The following LRP11 variants were observed in gnomAD, a reference collection of about 807,000 sequenced individuals.
LRP11 encodes the protein LDL receptor related protein 11.
In LRP11, 25 loss-of-function variants were observed where a neutral mutation model predicts 43.1. The observed-to-expected ratio is 0.58, with a 90% CI of 0.42 to 0.81. LRP11 has a LOEUF of 0.81. Ranked by LOEUF, LRP11 falls within the 30% of genes least tolerant of loss-of-function variation. The pLI is 0.00. For synonymous variants in LRP11, 316 were observed against 299.4 expected (o/e 1.06, Z -0.57); for missense variants, 623 against 665.1 (o/e 0.94, Z 0.70).
chr6:149,837,217 AAAGTTATAACT>A, intron 4 of LRP11, 110 bp downstream of exon 4: 2 of 1,088,584 alleles, frequency 1.8e-6, no homozygotes, highest in Non-Finnish European at 2.6e-6. Context: ...TTTTACATGT[AAAGTTATAACT>A]AAAATCAAGC....
At chr6:149,854,763 C>T (rs1583095517) in intron 1 of LRP11, among the ~76,000 whole-genome samples, 1 of 152,256 alleles carries the variant, frequency 6.6e-6, no homozygotes, top group East Asian at 1.9e-4. Context: ...TGCAAGGCAC[C>T]GCCTCTCCTC....
chr6:149,821,224 C>T (rs977840483), intron 6 of LRP11, among the ~76,000 whole-genome samples: 6 of 152,064 alleles, frequency 3.9e-5, no homozygotes, highest in East Asian at 1.9e-4. Context: ...CCACCGTGCC[C>T]GGCCAACACA....
rs1776443871 is a variant in LRP11 at position 149,834,246 on chromosome 6, G to T, written c.1252+1839C>A. On this transcript the variant is annotated intron_variant, in intron 5 of 6. Coordinates refer to ENST00000239367, the MANE Select transcript of LRP11 (RefSeq NM_032832.6). ...CCCATGGGACAGTGCTGGGACCAAT[G>T]AGTGACACCTAGCATGGGTAAGGGC... Among the ~76,000 whole-genome samples the T allele has an allele frequency of 2.6e-5, 4 of 152,206 alleles. No individual in the cohort carries two copies. The South Asian group carries it at 8.3e-4, about 31-fold the overall frequency.
chr6:149,836,203 C>G lies in LRP11; in HGVS notation c.1134G>C (p.Leu378Phe). 6.2e-7 allele frequency: 1 copy of G among 1,614,102 alleles called. No individual in the cohort carries two copies. The highest frequency in any genetic ancestry group is 8.5e-7 in the Non-Finnish European group (1 of 1,180,032). Residue 378 changes from leucine (L) to phenylalanine (F), a missense_variant, in exon 5 of 7, where the codon TTG (leucine) becomes TTC (phenylalanine). Coordinates refer to ENST00000239367, the MANE Select transcript of LRP11 (RefSeq NM_032832.6). The stretch of plus-strand genomic sequence containing the variant: ...CAGTGGCTTTCTGAGACTTTTCCAC[C>G]AAGGAGTCACCCCCTGCATCTTCAC... ...GPSEDAGGDSLVEKSQKATAP... is the reference protein window; with the variant it reads ...GPSEDAGGDSFVEKSQKATAP...
intron 2 of LRP11, among the ~76,000 whole-genome samples, chr6:149,846,613 G>A (rs1034802079): frequency 4.6e-5 from 7 of 152,118 alleles, no homozygotes; most frequent in African/African-American, 1.2e-4. Context: ...AGTGGCCATC[G>A]GAGTGGAGAC....
intron 5 of LRP11, among the ~76,000 whole-genome samples, chr6:149,835,002 T>C (rs1175758708): frequency 6.6e-6 from 1 of 152,254 alleles, no homozygotes; most frequent in African/African-American, 2.4e-5. Flanking sequence ...ACTAAAATCA[T>C]GTCAGGTTAT....
At chr6:149,825,745 T>A (rs1157593434) in intron 6 of LRP11, among the ~76,000 whole-genome samples, 1 of 150,966 alleles carries the variant, frequency 6.6e-6, no homozygotes, top group East Asian at 2.0e-4. Flanking sequence ...AGCCTCGACC[T>A]CCCAGGCTCA....
intron 1 of LRP11, among the ~76,000 whole-genome samples, chr6:149,857,576 C>T (rs922332115): frequency 6.6e-6 from 1 of 151,742 alleles, no homozygotes; most frequent in Non-Finnish European, 1.5e-5. Context: ...CCTTTCTTGC[C>T]TGAGGACTGG....
intron 2 of LRP11, among the ~76,000 whole-genome samples, chr6:149,844,541 A>C (rs1776602997): frequency 6.6e-6 from 1 of 152,250 alleles, no homozygotes; most frequent in South Asian, 2.1e-4. Flanking sequence ...ACTGCTGGAC[A>C]GTCAGCCTGA....
Position 149,818,846 on chromosome 6 carries a change from A to C in LRP11, c.*1703T>G, listed in dbSNP as rs577442644. On this transcript the variant is annotated 3_prime_UTR_variant, in exon 7 of 7. Coordinates refer to ENST00000239367, the MANE Select transcript of LRP11 (RefSeq NM_032832.6). Reference sequence around the variant, plus strand: ...AGGAATCATGTTTACATAGATACAGAACATCTTGGATATTTCAACACCATA... The same window carrying C: ...AGGAATCATGTTTACATAGATACAGCACATCTTGGATATTTCAACACCATA... The C allele has an allele frequency of 3.3e-5, 5 of 152,710 alleles. No homozygotes were observed. The highest frequency in any genetic ancestry group is 1.3e-4 in the Admixed American group (2 of 15,304). 9.5% of individuals were successfully genotyped at this position (152,710 alleles called of 1,614,324 possible).
Position 149,863,952 on chromosome 6 carries a change from G to A in LRP11, c.69C>T (p.Arg23=). ...GCCACAGGCAGAGCAGTAGCAGCCC[G>A]CGCAGCGCCCCGTGACGCGGCGGTA... is the stretch of plus-strand genomic sequence containing the variant. The part of the protein sequence containing the change: ...RRLPPRHGAL[R]GLLLLCLWLP... The change falls in exon 1 of 7, where the codon CGC becomes CGT. Residue 23 remains arginine, a synonymous_variant. Transcript: ENST00000239367. The A allele has an allele frequency of 1.4e-6, 2 of 1,440,402 alleles. No homozygotes were observed. The highest frequency in any genetic ancestry group is 1.8e-6 in the Non-Finnish European group (2 of 1,103,328). 89.2% of individuals were successfully genotyped at this position (1,440,402 alleles called of 1,614,324 possible). A position where few individuals can be genotyped will look rare whatever the true frequency, so the allele number is the denominator to read the frequency against.
Position 149,837,254 on chromosome 6 carries a change from T to G in LRP11, c.1039+84A>C. 3 of 1,448,072 alleles carry G rather than the reference T, an allele frequency of 2.1e-6. No homozygotes were observed. The African/African-American group carries it at 4.2e-5, about 20-fold the overall frequency. 89.7% of individuals were successfully genotyped at this position (1,448,072 alleles called of 1,614,324 possible). On this transcript the variant is annotated intron_variant, in intron 4 of 6. Coordinates refer to ENST00000239367, the MANE Select transcript of LRP11 (RefSeq NM_032832.6). ...AAAATCAAGCAGGGGAAGGACACTG[T>G]GTTTGCATTTCATTCTCAGAACACA...
intron 2 of LRP11, among the ~76,000 whole-genome samples, chr6:149,846,405 T>TAAGCTGCTCTTCAGTC (rs1776633296): frequency 6.6e-6 from 1 of 152,150 alleles, no homozygotes; most frequent in East Asian, 1.9e-4. Context: ...TTCAGTCAAG[T>TAAGCTGCTCTTCAGTC]AAGGTGACAC....
intron 2 of LRP11, 93 bp from the exon 3 acceptor site, chr6:149,843,217 GC>G: frequency 6.9e-7 from 1 of 1,450,990 alleles, no homozygotes; most frequent in Admixed American, 1.7e-5. Flanking sequence ...CCTCAGAGCA[GC>G]CCCAGGACCT....
chr6:149,852,803 A>G lies in LRP11; in HGVS notation c.771+200T>C, dbSNP rs576095828. 5.3e-5 allele frequency among the ~76,000 whole-genome samples: 8 copies of G among 149,726 alleles called. No homozygotes were observed. In the East Asian group the frequency reaches 1.7e-3, roughly 31 times the overall value. On this transcript the variant is annotated intron_variant, in intron 2 of 6. Coordinates refer to ENST00000239367, the MANE Select transcript of LRP11 (RefSeq NM_032832.6). ...TAGAAGGAGGGTAGGCTCCAAGACA[A>G]ATGATCGAGATTGCTGCTCACTCTC...
At chr6:149,829,141 C>G (rs1340636415) in intron 5 of LRP11, among the ~76,000 whole-genome samples, 1 of 152,198 alleles carries the variant, frequency 6.6e-6, no homozygotes, top group African/African-American at 2.4e-5. Flanking sequence ...CCTCCTCCCC[C>G]ATGCCGTACT....
chr6:149,852,464 G>T (rs547310801), intron 2 of LRP11: 1 of 152,196 alleles, frequency 6.6e-6, no homozygotes, highest in Non-Finnish European at 1.5e-5. Context: ...TTCCATCGGC[G>T]GCTATCCCAG....
intron 5 of LRP11, among the ~76,000 whole-genome samples, chr6:149,826,974 CT>C (rs35335842): frequency 0.017 from 2,402 of 143,718 alleles, 65 homozygotes; most frequent in African/African-American, 0.054. Flanking sequence ...TATTTATTTA[CT>C]TTTTTTTTTT....
chr6:149,829,840 T>C (rs1776385586), intron 5 of LRP11, among the ~76,000 whole-genome samples: 1 of 152,048 alleles, frequency 6.6e-6, no homozygotes, highest in African/African-American at 2.4e-5. Flanking sequence ...ATTAACTGCC[T>C]TATACACTTG....
Sources: allele counts gnomAD v4.1 joint callset (sites outside exome capture counted in the v4.1 genomes callset), GRCh38; gene constraint gnomAD v4.1.1; transcripts MANE v1.5; gene names NCBI Gene and HGNC (gene_info 2026-07-23, HGNC 2026-07-21).